TLN2: variants seen among roughly 807,000 people sequenced by gnomAD.
TLN2 encodes talin-2.
A neutral mutation model predicts 294.7 loss-of-function variants in TLN2; 118 were observed. The observed-to-expected ratio is 0.40, with a 90% confidence interval of 0.34 to 0.47. The LOEUF (loss-of-function observed/expected upper bound fraction) is 0.47. TLN2 is among the 20% of genes least tolerant of loss of function. The probability of loss-of-function intolerance (pLI) is 0.84; values close to 1 mark genes in which losing one functional copy is unlikely to be tolerated. For missense variants in TLN2, 3,083 were observed against 3,282.2 expected, an observed-to-expected ratio of 0.94 and a Z score of 1.48; for synonymous variants, 1,431 against 1,304.5, an observed-to-expected ratio of 1.10 and a Z score of -2.09.
intron 1 of TLN2, among the ~76,000 whole-genome samples, chr15:62,533,422 C>T (rs1288083153): frequency 6.6e-6 from 1 of 152,078 alleles, no homozygotes; most frequent in East Asian, 1.9e-4. Flanking sequence ...ATCCCCTAAC[C>T]CCTCCCTCAA....
At chr15:62,650,722 A>G (rs2052494578) in intron 5 of TLN2, among the ~76,000 whole-genome samples, 1 of 152,184 alleles carries the variant, frequency 6.6e-6, no homozygotes, top group South Asian at 2.1e-4. Context: ...CCTCCAAGAT[A>G]CCGGGTTTTG....
At chr15:62,680,125 C>G (rs2056684509) in intron 11 of TLN2, among the ~76,000 whole-genome samples, 1 of 152,114 alleles carries the variant, frequency 6.6e-6, no homozygotes, top group Non-Finnish European at 1.5e-5. Context: ...CGTTTTTCTT[C>G]TTTTTCAAAA....
intron 3 of TLN2, among the ~76,000 whole-genome samples, chr15:62,628,010 A>G (rs975249809): frequency 2.0e-5 from 3 of 152,226 alleles, no homozygotes; most frequent in Admixed American, 1.3e-4. Context: ...TCACACAGGA[A>G]CTGTCAACAT....
At chr15:62,432,063 C>G (rs2035039400) in intron 1 of TLN2, among the ~76,000 whole-genome samples, 1 of 152,146 alleles carries the variant, frequency 6.6e-6, no homozygotes, top group South Asian at 2.1e-4. Flanking sequence ...CATAGCAGGC[C>G]TCGTCCTGGT....
At chr15:62,650,385 C>T (rs927260918) in intron 5 of TLN2, among the ~76,000 whole-genome samples, 7 of 152,028 alleles carry the variant, frequency 4.6e-5, no homozygotes, top group Non-Finnish European at 7.3e-5. Flanking sequence ...TGAAGCAGTT[C>T]GAGGTTAGTA....
intron 26 of TLN2, among the ~76,000 whole-genome samples, chr15:62,722,698 CT>C (rs1423078113): frequency 6.6e-6 from 1 of 152,178 alleles, no homozygotes; most frequent in Non-Finnish European, 1.5e-5. Context: ...TTTCAAATGC[CT>C]TTCGTTGAAC....
At chr15:62,836,447 G>A (rs1463803) in intron 57 of TLN2, among the ~76,000 whole-genome samples, 46,941 of 152,104 alleles carry the variant, frequency 0.31, 8,782 homozygotes, top group African/African-American at 0.53. Context: ...ATCACATGGT[G>A]CTACTGTAGG....
chr15:62,538,094 C>T (rs535894641), intron 1 of TLN2, among the ~76,000 whole-genome samples: 60 of 151,968 alleles, frequency 3.9e-4, no homozygotes, highest in Non-Finnish European at 7.8e-4. Context: ...TGGTGATGGG[C>T]GCCTGTAACT....
chr15:62,805,473 C>T (rs892582292), intron 50 of TLN2, 127 bp from the exon 51 acceptor site: 2 of 996,872 alleles, frequency 2.0e-6, no homozygotes, highest in African/African-American at 1.6e-5. Flanking sequence ...CTAATTTCGC[C>T]ATGTGACAGT....
chr15:62,694,697 C>G (rs183199802), intron 14 of TLN2, among the ~76,000 whole-genome samples: 5 of 152,292 alleles, frequency 3.3e-5, no homozygotes, highest in Admixed American at 2.0e-4. Flanking sequence ...ATGATCGAAT[C>G]ATGATCATTG....
intron 58 of TLN2, among the ~76,000 whole-genome samples, chr15:62,839,569 C>T (rs937419): frequency 0.29 from 44,421 of 152,130 alleles, 7,934 homozygotes; most frequent in African/African-American, 0.49. Context: ...TGCATTCTCA[C>T]GCATGGGAGT....
intron 12 of TLN2, among the ~76,000 whole-genome samples, chr15:62,689,846 C>CTTCTTTTTTTT (rs2057628986): frequency 6.5e-5 from 1 of 15,398 alleles, no homozygotes; most frequent in Non-Finnish European, 1.5e-4. Flanking sequence ...GTATGGGCTT[C>CTTCTTTTTTTT]TTTTTTTTTT....
intron 1 of TLN2, among the ~76,000 whole-genome samples, chr15:62,442,304 G>A (rs989621413): frequency 2.0e-5 from 3 of 152,016 alleles, no homozygotes; most frequent in African/African-American, 7.2e-5. Flanking sequence ...AGACTAGCCT[G>A]GCCAACATGG....
chr15:62,781,231 C>G lies in TLN2; in HGVS notation c.5606C>G (p.Ala1869Gly). 1 of 1,613,724 alleles carries G rather than the reference C, an allele frequency of 6.2e-7. No individual in the cohort carries two copies. The highest frequency in any genetic ancestry group is 1.3e-5 in the African/African-American group (1 of 75,030). The change falls in exon 44 of 59, where the codon GCT (alanine) becomes GGT (glycine). Residue 1869 changes from alanine (A) to glycine (G), a missense_variant. Transcript: ENST00000636159. Reference protein sequence around the residue: ...VKYSKAIAVTAQEMMTKSVTN... With the variant: ...VKYSKAIAVTGQEMMTKSVTN... ...TACTCCAAAGCCATTGCGGTGACAGCTCAGGAAATGGTAAGAGGGAAGAGA... is the reference window on the plus strand; with the variant it reads ...TACTCCAAAGCCATTGCGGTGACAGGTCAGGAAATGGTAAGAGGGAAGAGA...
intron 2 of TLN2, among the ~76,000 whole-genome samples, chr15:62,610,356 G>A (rs1381827633): frequency 6.6e-6 from 1 of 152,150 alleles, no homozygotes; most frequent in Non-Finnish European, 1.5e-5. Flanking sequence ...CAAAATTTTT[G>A]TCAGCCAGTC....
intron 45 of TLN2, among the ~76,000 whole-genome samples, chr15:62,788,633 C>T (rs1457550258): frequency 2.0e-5 from 3 of 152,162 alleles, no homozygotes; most frequent in South Asian, 2.1e-4. Context: ...CAACTACAGT[C>T]GCTAGTATGC....
intron 7 of TLN2, among the ~76,000 whole-genome samples, chr15:62,653,759 AAG>A (rs1555458297): frequency 3.8e-5 from 3 of 79,306 alleles, no homozygotes; most frequent in Admixed American, 1.5e-4. Flanking sequence ...AAAAAAAAAA[AAG>A]TAATTGTAAT....
Position 62,708,809 on chromosome 15 carries a change from G to T in TLN2, c.2467+13G>T, listed in dbSNP as rs373928389. 60 of 1,590,874 alleles carry T rather than the reference G, an allele frequency of 3.8e-5. 1 individual carries two copies. The African/African-American group carries it at 7.6e-4, about 20-fold the overall frequency. On this transcript the variant is annotated intron_variant, in intron 21 of 58. Transcript: ENST00000636159. ...ATGGGTGACGCTGGTAAGGCACTGT[G>T]CTGTGGGTGGGTGGATGGGTGGCTT... is the stretch of plus-strand genomic sequence containing the variant.
chr15:62,687,708 T>C (rs2057402311), intron 12 of TLN2: 1 of 152,054 alleles, frequency 6.6e-6, no homozygotes, highest in South Asian at 2.1e-4. Flanking sequence ...TAATAGGACA[T>C]CAGAAAAAAA....
Sources: gnomAD v4.1 joint callset for allele counts (sites outside exome capture counted in the v4.1 genomes callset) on GRCh38, gnomAD v4.1.1 for gene constraint, MANE v1.5 for transcripts, NCBI Gene and HGNC (gene_info 2026-07-23, HGNC 2026-07-21) for gene names.